FRMD4A: variants seen among roughly 807,000 people sequenced by gnomAD.
FRMD4A encodes the protein FERM domain-containing protein 4A.
FRMD4A carries 29 observed loss-of-function variants against 129.1 expected under a neutral mutation model. The observed-to-expected ratio is 0.22, with a 90% CI of 0.17 to 0.31. FRMD4A has a LOEUF of 0.31. FRMD4A is among the 10% of genes least tolerant of loss of function. FRMD4A has a pLI of 1.00. For missense variants in FRMD4A, 1,272 were observed against 1,375.8 expected, an observed-to-expected ratio of 0.92 and a Z score of 1.19; for synonymous variants, 634 against 571.6, an observed-to-expected ratio of 1.11 and a Z score of -1.56.
At chr10:14,040,649 C>A (rs1833743543) in intron 2 of FRMD4A, among the ~76,000 whole-genome samples, 1 of 152,208 alleles carries the variant, frequency 6.6e-6, no homozygotes, top group Non-Finnish European at 1.5e-5. Context: ...CGACCAGAAT[C>A]TAGACTTTCC....
chr10:13,697,497 G>C (rs1257180526), intron 14 of FRMD4A, among the ~76,000 whole-genome samples: 1 of 152,174 alleles, frequency 6.6e-6, no homozygotes, highest in Non-Finnish European at 1.5e-5. Context: ...CAGACTCGGT[G>C]GGGAGAGGAC....
intron 2 of FRMD4A, among the ~76,000 whole-genome samples, chr10:14,139,794 G>A (rs1193401383): frequency 1.3e-5 from 2 of 152,090 alleles, no homozygotes; most frequent in African/African-American, 4.8e-5. Flanking sequence ...GGGCTTCCGG[G>A]ACAGCAGATT....
At chr10:13,831,971 C>A (rs900320083) in intron 3 of FRMD4A, among the ~76,000 whole-genome samples, 1 of 152,084 alleles carries the variant, frequency 6.6e-6, no homozygotes, top group Non-Finnish European at 1.5e-5. Context: ...CCTGCTGGCA[C>A]GTAATCTTCA....
intron 3 of FRMD4A, among the ~76,000 whole-genome samples, chr10:13,819,434 T>G (rs1164569862): frequency 6.6e-6 from 1 of 152,134 alleles, no homozygotes; most frequent in Non-Finnish European, 1.5e-5. Context: ...CCATCCTGCC[T>G]ACAAATGCTC....
At chr10:13,975,077 A>G (rs910019966) in intron 2 of FRMD4A, among the ~76,000 whole-genome samples, 1 of 150,068 alleles carries the variant, frequency 6.7e-6, no homozygotes, top group Non-Finnish European at 1.5e-5. Context: ...ATGTGTGTCC[A>G]TGTGTGCCTG....
At chr10:14,069,491 G>T (rs1391795932) in intron 2 of FRMD4A, among the ~76,000 whole-genome samples, 2 of 152,138 alleles carry the variant, frequency 1.3e-5, no homozygotes, top group East Asian at 3.9e-4. Flanking sequence ...CTCAAAAATA[G>T]CTGTTCCCAA....
At chr10:13,768,467 A>G (rs1195817079) in intron 6 of FRMD4A, among the ~76,000 whole-genome samples, 1 of 152,202 alleles carries the variant, frequency 6.6e-6, no homozygotes, top group Non-Finnish European at 1.5e-5. Context: ...GACAAATGAG[A>G]TAATTCCGTG....
intron 4 of FRMD4A, among the ~76,000 whole-genome samples, chr10:13,798,305 G>A (rs377518228): frequency 2.9e-4 from 44 of 151,884 alleles, no homozygotes; most frequent in African/African-American, 9.2e-4. Flanking sequence ...CCAGCTACTC[G>A]GGAGGCTGAG....
At chr10:13,686,668 C>T (rs564853224) in intron 15 of FRMD4A, among the ~76,000 whole-genome samples, 99 of 152,328 alleles carry the variant, frequency 6.5e-4, no homozygotes, top group African/African-American at 2.3e-3. Context: ...CCAGATTCTT[C>T]GCAATCTTGC....
At chr10:14,234,221 GAAGA>G (rs1843725376) in intron 2 of FRMD4A, among the ~76,000 whole-genome samples, 1 of 17,358 alleles carries the variant, frequency 5.8e-5, no homozygotes, top group Admixed American at 1.1e-3. Flanking sequence ...CAGGGAAGAA[GAAGA>G]AAAAAAAAAA....
rs543878515 is a variant in FRMD4A, at chr10:14,309,010, T to C, written c.45+21048A>G. Among the ~76,000 whole-genome samples, 9 of 152,334 alleles carry C rather than the reference T, an allele frequency of 5.9e-5. No individual in the cohort carries two copies. The South Asian group carries it at 1.9e-3, about 32-fold the overall frequency. On this transcript the variant is annotated intron_variant, in intron 2 of 24. Coordinates refer to ENST00000357447, the MANE Select transcript of FRMD4A (RefSeq NM_018027.5). ...GGTATTTCCACTTAGACACCTGCCT[T>C]TCCTTCCGTCTCCGTTTTTGTTGAA...
At chr10:13,934,611 C>T (rs2095232960) in intron 2 of FRMD4A, among the ~76,000 whole-genome samples, 1 of 152,160 alleles carries the variant, frequency 6.6e-6, no homozygotes, top group Non-Finnish European at 1.5e-5. Flanking sequence ...AAGTTTTTCA[C>T]TCCACAATTG....
chr10:14,018,218 A>G lies in FRMD4A; in HGVS notation c.46-159306T>C, dbSNP rs2095705185. The stretch of plus-strand genomic sequence containing the variant: ...TCCCAGCACTTTGGAAGGCCGAGGC[A>G]GGCAGATCAGAAGGTCAGAAGATCA... On this transcript the variant is annotated intron_variant, in intron 2 of 24. Transcript: ENST00000357447. Among the ~76,000 whole-genome samples, 3 of 151,794 alleles carry G rather than the reference A, an allele frequency of 2.0e-5. No individual in the cohort carries two copies. The South Asian group carries it at 6.3e-4, about 32-fold the overall frequency.
At chr10:13,892,586 T>A (rs2094713534) in intron 2 of FRMD4A, among the ~76,000 whole-genome samples, 1 of 152,170 alleles carries the variant, frequency 6.6e-6, no homozygotes, top group East Asian at 1.9e-4. Context: ...AGACACATTT[T>A]TTTTCATGAA....
chr10:13,923,751 A>G (rs932146504), intron 2 of FRMD4A, among the ~76,000 whole-genome samples: 4 of 152,174 alleles, frequency 2.6e-5, no homozygotes, highest in African/African-American at 9.7e-5. Flanking sequence ...AAGATATTTC[A>G]TCTTATTGGT....
At chr10:14,128,006 T>TC (rs1564319689) in intron 2 of FRMD4A, among the ~76,000 whole-genome samples, 1 of 102,836 alleles carries the variant, frequency 9.7e-6, no homozygotes, top group African/African-American at 5.0e-5. Flanking sequence ...CTCTCTTTCT[T>TC]TCTTTCTTCC....
At chr10:13,903,108 C>T (rs1349538614) in intron 2 of FRMD4A, among the ~76,000 whole-genome samples, 1 of 152,086 alleles carries the variant, frequency 6.6e-6, no homozygotes, top group Admixed American at 6.5e-5. Flanking sequence ...CTTGGAAGGC[C>T]CTCCTCCAGA....
At position 13,699,026 on chromosome 10, in the gene FRMD4A, G is replaced by A. The variant is rs543369322; in HGVS notation, c.975+2314C>T. 4.7e-3 allele frequency among the ~76,000 whole-genome samples: 702 copies of A among 150,072 alleles called. 2 individuals carry two copies. Among genetic ancestry groups the A allele is most frequent in the Middle Eastern group, 0.014 (4 of 286 alleles). The stretch of plus-strand genomic sequence containing the variant: ...TTTGGTTTTACCTCCTAAAAGACAC[G>A]TCTTGTTGCTAATTTATCTACAATA... On this transcript the variant is annotated intron_variant, in intron 14 of 24. Coordinates refer to ENST00000357447, the MANE Select transcript of FRMD4A (RefSeq NM_018027.5).
At chr10:14,253,463 C>T (rs991850848) in intron 2 of FRMD4A, among the ~76,000 whole-genome samples, 5 of 152,190 alleles carry the variant, frequency 3.3e-5, no homozygotes, top group African/African-American at 1.2e-4. Context: ...GGGAAACCAA[C>T]TTTTTTTTGA....
Sources: gnomAD v4.1 joint callset for allele counts (sites outside exome capture counted in the v4.1 genomes callset) on GRCh38, gnomAD v4.1.1 for gene constraint, MANE v1.5 for transcripts, NCBI Gene and HGNC (gene_info 2026-07-23, HGNC 2026-07-21) for gene names.